The following VIL1 variants were observed in gnomAD, a reference collection of about 807,000 sequenced individuals.
VIL1 encodes the protein villin-1.
A neutral mutation model predicts 104.0 loss-of-function variants in VIL1; 86 were observed. The ratio of observed to expected loss-of-function variants is 0.83; its 90% CI spans 0.69 to 0.99. VIL1 has a LOEUF of 0.99. Among genes scored for constraint, VIL1 ranks in the 50% least tolerant of loss-of-function variants. The pLI is 0.00. For synonymous variants in VIL1, 394 were observed against 412.6 expected (o/e 0.95, Z 0.55); for missense variants, 944 against 1,054.1 (o/e 0.90, Z 1.45).
Position 218,440,793 on chromosome 2 carries a change from C to T in VIL1, c.2301C>T (p.Phe767=), listed in dbSNP as rs145977702. Residue 767 remains phenylalanine, a synonymous_variant, in exon 19 of 20, where the codon TTC becomes TTT. Transcript: ENST00000248444. ...SNLSSGPLPI[F]PLEQLVNKPV... is the part of the protein sequence containing the mutation. Reference sequence around the variant, plus strand: ...TCAGTTCTGGGCCTCTGCCCATCTTCCCCCTGGAGCAGCTAGTGAACAAGC... The same window carrying T: ...TCAGTTCTGGGCCTCTGCCCATCTTTCCCCTGGAGCAGCTAGTGAACAAGC... 25 of 1,614,130 alleles carry T rather than the reference C, an allele frequency of 1.5e-5. No homozygotes were observed. The highest frequency in any genetic ancestry group is 2.0e-5 in the Non-Finnish European group (24 of 1,179,996).
At chr2:218,422,118 G>T (rs1047312285) in intron 1 of VIL1, among the ~76,000 whole-genome samples, 3 of 152,150 alleles carry the variant, frequency 2.0e-5, no homozygotes, top group Admixed American at 6.6e-5. Flanking sequence ...AGCTGGGCTT[G>T]GTGGCTCGCG....
intron 19 of VIL1, among the ~76,000 whole-genome samples, chr2:218,445,818 G>C (rs967803100): frequency 2.0e-5 from 3 of 152,100 alleles, no homozygotes; most frequent in African/African-American, 7.2e-5. Context: ...AGGGTATTTA[G>C]CTTGCCTTAA....
intron 13 of VIL1, among the ~76,000 whole-genome samples, chr2:218,433,804 G>A (rs1447540767): frequency 6.6e-6 from 1 of 152,056 alleles, no homozygotes; most frequent in Non-Finnish European, 1.5e-5. Context: ...CTACTGGGGA[G>A]GCTGGGGCAG....
At position 218,428,025 on chromosome 2, in the gene VIL1, C is replaced by G; in HGVS notation, c.408C>G (p.Val136=). The G allele has an allele frequency of 6.2e-7, 1 of 1,614,136 alleles. No homozygotes were observed. The highest frequency in any genetic ancestry group is 8.5e-7 in the Non-Finnish European group (1 of 1,180,020). The change falls in exon 5 of 20, where the codon GTC becomes GTG. Residue 136 remains valine (V), a synonymous_variant. Transcript: ENST00000248444. ...MKHVETNSYD[V]QRLLHVKGKR... ...ACGTGGAGACCAACTCCTATGACGT[C>G]CAGAGGCTGCTGCATGTCAAGGGCA...
chr2:218,443,324 A>G lies in VIL1; in HGVS notation c.2370+2462A>G, dbSNP rs570124076. On this transcript the variant is annotated intron_variant, in intron 19 of 19. Coordinates refer to ENST00000248444, the MANE Select transcript of VIL1 (RefSeq NM_007127.3). ...AGCGATTCTCCTGCCTCAGACTCCA[A>G]GTAGCTAGGATTACATCCGCACACC... Among the ~76,000 whole-genome samples, 4 of 151,800 alleles carry G rather than the reference A, an allele frequency of 2.6e-5. No individual in the cohort carries two copies. The East Asian group carries it at 7.8e-4, about 30-fold the overall frequency.
chr2:218,435,963 T>C (rs1689182468), intron 15 of VIL1, among the ~76,000 whole-genome samples: 1 of 152,184 alleles, frequency 6.6e-6, no homozygotes, highest in African/African-American at 2.4e-5. Flanking sequence ...TGCAGCCTCC[T>C]GCGTAGCTGA....
Position 218,423,852 on chromosome 2 carries a change from A to T in VIL1, c.74A>T (p.Glu25Val), listed in dbSNP as rs1179732182. ...TTPGLQIWRI[E>V]AMQMVPVPSS... is the part of the protein sequence containing the mutation. Reference sequence around the variant, plus strand: ...CCGGGGCTGCAGATATGGAGGATCGAGGTGAGGCCCTGTCTGGGCATGGGG... The same window carrying T: ...CCGGGGCTGCAGATATGGAGGATCGTGGTGAGGCCCTGTCTGGGCATGGGG... The change falls in exon 2 of 20, where the codon GAG becomes GTG. Residue 25 changes from glutamate (E) to valine (V), a missense_variant and splice_region_variant. Coordinates refer to ENST00000248444, the MANE Select transcript of VIL1 (RefSeq NM_007127.3). The T allele has an allele frequency of 6.2e-7, 1 of 1,613,970 alleles. No individual in the cohort carries two copies. Among genetic ancestry groups the T allele is most frequent in the African/African-American group, 1.3e-5 (1 of 74,908 alleles).
At chr2:218,436,179 C>T (rs1404276326) in intron 15 of VIL1, among the ~76,000 whole-genome samples, 1 of 152,048 alleles carries the variant, frequency 6.6e-6, no homozygotes, top group Non-Finnish European at 1.5e-5. Context: ...CTACTAGTCC[C>T]TAGTTCAAAA....
chr2:218,447,500 G>A (rs183413468), intron 19 of VIL1, among the ~76,000 whole-genome samples: 508 of 151,174 alleles, frequency 3.4e-3, no homozygotes, highest in Admixed American at 5.3e-3. Context: ...GTATTTTTTT[G>A]GTAGAGATGG....
Position 218,450,294 on chromosome 2 carries a change from T to C in VIL1, c.*958T>C, listed in dbSNP as rs962791403. 8 of 152,348 alleles carry C rather than the reference T, an allele frequency of 5.3e-5. No individual in the cohort carries two copies. The highest frequency in any genetic ancestry group is 1.2e-4 in the Non-Finnish European group (8 of 68,000). 9.4% of individuals were successfully genotyped at this position (152,348 alleles called of 1,614,324 possible). On this transcript the variant is annotated 3_prime_UTR_variant, in exon 20 of 20. Coordinates refer to ENST00000248444, the MANE Select transcript of VIL1 (RefSeq NM_007127.3). ...TAATTTCATACACACAAAAAAACTC[T>C]ATGCATAATTTAAAAAGGAAACAAA...
intron 3 of VIL1, among the ~76,000 whole-genome samples, chr2:218,425,030 AT>A (rs1688956017): frequency 2.0e-5 from 3 of 151,506 alleles, no homozygotes; most frequent in Admixed American, 1.3e-4. Context: ...AGACATTTGT[AT>A]TTTTTTCTTT....
intron 17 of VIL1, among the ~76,000 whole-genome samples, chr2:218,437,879 C>A (rs1190257624): frequency 1.3e-5 from 2 of 152,158 alleles, no homozygotes; most frequent in African/African-American, 2.4e-5. Context: ...GGGCAGATAC[C>A]CACAATGGAA....
chr2:218,435,482 G>A (rs759017533), intron 15 of VIL1, 48 bp downstream of exon 15: 46 of 1,592,868 alleles, frequency 2.9e-5, no homozygotes, highest in East Asian at 2.7e-4. Flanking sequence ...TGGGGGAGCC[G>A]CCCAGCATCT....
At chr2:218,427,326 CTT>C (rs10716451) in intron 4 of VIL1, among the ~76,000 whole-genome samples, 6,473 of 128,488 alleles carry the variant, frequency 0.05, 425 homozygotes, top group African/African-American at 0.16. Context: ...AATACATTTC[CTT>C]TTTTTTTTTT....
Position 218,449,446 on chromosome 2 carries a change from T to A in VIL1, c.*110T>A. On this transcript the variant is annotated 3_prime_UTR_variant, in exon 20 of 20. Transcript: ENST00000248444. ...AAGTGAAATTTTGCAGATGTGCCTA[T>A]GAGCACAAACTTCTGTGGCAAATGC... The A allele has an allele frequency of 1.1e-6, 1 of 873,234 alleles. No homozygotes were observed. Among genetic ancestry groups the A allele is most frequent in the South Asian group, 1.4e-5 (1 of 70,726 alleles). 54.1% of individuals were successfully genotyped at this position (873,234 alleles called of 1,614,324 possible).
rs1173333204 is a variant in VIL1 at position 218,440,801 on chromosome 2, A to C, written c.2309A>C (p.Glu770Ala). 1 of 1,614,046 alleles carries C rather than the reference A, an allele frequency of 6.2e-7. No individual in the cohort carries two copies. Among genetic ancestry groups the C allele is most frequent in the African/African-American group, 1.3e-5 (1 of 74,926 alleles). The change falls in exon 19 of 20, where the codon GAG becomes GCG. Residue 770 changes from glutamate to alanine, a missense_variant. Transcript: ENST00000248444. ...GGGCCTCTGCCCATCTTCCCCCTGG[A>C]GCAGCTAGTGAACAAGCCTGTAGAG... ...SSGPLPIFPL[E>A]QLVNKPVEEL...
intron 10 of VIL1, among the ~76,000 whole-genome samples, 158 bp from the exon 11 acceptor site, chr2:218,431,699 C>A (rs777845645): frequency 1.3e-5 from 2 of 152,104 alleles, no homozygotes; most frequent in Non-Finnish European, 2.9e-5. Flanking sequence ...TGTAGCTCTG[C>A]CACATTCTGT....
chr2:218,444,653 G>GT (rs1202133532), intron 19 of VIL1, among the ~76,000 whole-genome samples: 1 of 152,182 alleles, frequency 6.6e-6, no homozygotes, highest in East Asian at 1.9e-4. Flanking sequence ...TCATGTGGGA[G>GT]TGTAGGAGAG....
chr2:218,432,277 C>T (rs1292770573), intron 12 of VIL1, 94 bp downstream of exon 12: 1 of 1,523,796 alleles, frequency 6.6e-7, no homozygotes, highest in Non-Finnish European at 8.8e-7. Flanking sequence ...GGGTTGAATA[C>T]CTCTGGGGAT....
Sources: allele counts gnomAD v4.1 joint callset (sites outside exome capture counted in the v4.1 genomes callset), GRCh38; gene constraint gnomAD v4.1.1; transcripts MANE v1.5; gene names NCBI Gene and HGNC (gene_info 2026-07-23, HGNC 2026-07-21).